The following COL5A1 variants were observed in gnomAD, a reference collection of about 807,000 sequenced individuals.
COL5A1 encodes the protein collagen type V alpha 1 chain, also known as collagen alpha-1(V) chain.
Under a neutral mutation model 263.7 loss-of-function variants are expected in COL5A1, and 16 were observed. The ratio of observed to expected loss-of-function variants is 0.06; its 90% CI spans 0.04 to 0.09. The LOEUF (loss-of-function observed/expected upper bound fraction) is 0.09, where lower values mean the gene tolerates loss of function less well. COL5A1 is among the 10% of genes least tolerant of loss of function. COL5A1 has a pLI of 1.00. For synonymous variants in COL5A1, 1,012 were observed against 1,004.5 expected (o/e 1.01, Z -0.14); for missense variants, 2,036 against 2,540.5 (o/e 0.80, Z 4.27).
chr9:134,816,937 G>A, intron 52 of COL5A1, 89 bp from the exon 53 acceptor site: 1 of 1,227,266 alleles, frequency 8.1e-7, no homozygotes, highest in South Asian at 1.2e-5. Context: ...TGGCCGAGGA[G>A]TAAATAGACT....
intron 42 of COL5A1, 59 bp downstream of exon 42, chr9:134,806,355 G>T: frequency 8.9e-6 from 11 of 1,240,208 alleles, no homozygotes; most frequent in Non-Finnish European, 1.3e-5. Context: ...GTCGTTCCGT[G>T]TCTGGCCTTG....
chr9:134,773,691 G>A (rs1414869889), intron 26 of COL5A1, among the ~76,000 whole-genome samples: 1 of 152,180 alleles, frequency 6.6e-6, no homozygotes, highest in Non-Finnish European at 1.5e-5. Flanking sequence ...TGCCAAGGGT[G>A]TGGTAGGCCA....
rs1186690761 is a variant in COL5A1 at position 134,711,123 on chromosome 9, C to A, written c.654+9790C>A. Among the ~76,000 whole-genome samples, 6 of 152,232 alleles carry A rather than the reference C, an allele frequency of 3.9e-5. No individual in the cohort carries two copies. The East Asian group carries it at 1.2e-3, about 29-fold the overall frequency. The stretch of plus-strand genomic sequence containing the variant: ...GGTCTCTGTCTTCCACAGCTGGCCT[C>A]CGCCTCTGGGCATGAATTGTTCGGT... On this transcript the variant is annotated intron_variant, in intron 4 of 65. Coordinates refer to ENST00000371817, the MANE Select transcript of COL5A1 (RefSeq NM_000093.5).
intron 28 of COL5A1, among the ~76,000 whole-genome samples, chr9:134,781,082 C>G (rs746457986): frequency 6.6e-6 from 1 of 152,242 alleles, no homozygotes; most frequent in Non-Finnish European, 1.5e-5. Context: ...TGCTACCTGT[C>G]GAAGATGTCG....
At chr9:134,643,380 C>T (rs1028254679) in intron 1 of COL5A1, among the ~76,000 whole-genome samples, 1 of 152,160 alleles carries the variant, frequency 6.6e-6, no homozygotes, top group African/African-American at 2.4e-5. Flanking sequence ...GCTCAGCGAA[C>T]GTCTGGACCA....
At chr9:134,644,593 G>GT (rs1361362492) in intron 1 of COL5A1, among the ~76,000 whole-genome samples, 3 of 151,980 alleles carry the variant, frequency 2.0e-5, no homozygotes, top group Non-Finnish European at 2.9e-5. Context: ...CAGGCGCGGG[G>GT]GGGAGCCACC....
chr9:134,712,042 C>CCCCCTTCTTCCTGCT (rs143305392), intron 4 of COL5A1, among the ~76,000 whole-genome samples: 1 of 86,282 alleles, frequency 1.2e-5, no homozygotes, highest in Non-Finnish European at 2.2e-5. Context: ...CTTCTTCCTG[C>CCCCCTTCTTCCTGCT]CCCCTTCTTC....
In COL5A1 at chr9:134,823,398, T is replaced by A. The variant is rs753119769; in HGVS notation, c.4645-18T>A. ...CATACCTCTGTGACCAAGGGTTGAT[T>A]CTTTTCTTTCTCCCCAGGGTCCAAC... On this transcript the variant is annotated intron_variant, in intron 60 of 65. Coordinates refer to ENST00000371817, the MANE Select transcript of COL5A1 (RefSeq NM_000093.5). 1.2e-6 allele frequency: 2 copies of A among 1,614,144 alleles called. No individual in the cohort carries two copies. The highest frequency in any genetic ancestry group is 1.7e-6 in the Non-Finnish European group (2 of 1,179,966).
chr9:134,739,556 G>A (rs1041240308), intron 11 of COL5A1, among the ~76,000 whole-genome samples: 7 of 152,254 alleles, frequency 4.6e-5, no homozygotes, highest in Non-Finnish European at 8.8e-5. Context: ...GGTGGATGCA[G>A]GGCAGGGTCT....
chr9:134,795,413 A>T (rs748505962), intron 34 of COL5A1, 98 bp downstream of exon 34: 121 of 193,050 alleles, frequency 6.3e-4, no homozygotes, highest in South Asian at 1.6e-3. Flanking sequence ...CTTTTTTATT[A>T]AAAAAAAAAA....
chr9:134,802,088 G>A, intron 38 of COL5A1, 81 bp downstream of exon 38: 2 of 1,398,798 alleles, frequency 1.4e-6, no homozygotes, highest in Non-Finnish European at 1.0e-6. Flanking sequence ...CCGGGCATCT[G>A]TTCCCTCCAC....
intron 1 of COL5A1, among the ~76,000 whole-genome samples, chr9:134,685,652 C>A (rs1833043588): frequency 6.7e-6 from 1 of 149,720 alleles, no homozygotes; most frequent in Admixed American, 6.7e-5. Flanking sequence ...ATCCATGCAT[C>A]CATTCATCCA....
At chr9:134,658,513 A>T (rs114516761) in intron 1 of COL5A1, among the ~76,000 whole-genome samples, 1 of 151,872 alleles carries the variant, frequency 6.6e-6, no homozygotes, top group East Asian at 1.9e-4. Flanking sequence ...GCCCCTTCAC[A>T]TGCATACGCT....
At chr9:134,719,699 C>T (rs1834387904) in intron 4 of COL5A1, among the ~76,000 whole-genome samples, 1 of 152,222 alleles carries the variant, frequency 6.6e-6, no homozygotes, top group African/African-American at 2.4e-5. Context: ...TGATCGGCCT[C>T]TGCCTTTCCA....
intron 1 of COL5A1, among the ~76,000 whole-genome samples, chr9:134,683,598 G>T (rs1328998266): frequency 6.6e-6 from 1 of 152,246 alleles, no homozygotes; most frequent in South Asian, 2.1e-4. Flanking sequence ...AGGCTGTTGT[G>T]TGTAGAAGCT....
intron 49 of COL5A1, among the ~76,000 whole-genome samples, chr9:134,814,353 G>C (rs541791131): frequency 3.3e-5 from 5 of 152,344 alleles, no homozygotes; most frequent in African/African-American, 1.2e-4. Context: ...GCCAGACTAG[G>C]AATATCCAGG....
At position 134,726,433 on chromosome 9, in the gene COL5A1, G is replaced by A. The variant is rs560231972; in HGVS notation, c.655-833G>A. 1.1e-3 allele frequency among the ~76,000 whole-genome samples: 168 copies of A among 152,218 alleles called. 1 individual carries two copies. The highest frequency in any genetic ancestry group is 2.1e-3 in the Non-Finnish European group (146 of 68,000). ...GGCTGGGTGGATGGATGGACAGGTG[G>A]ATAGGTAGATGGATGAATGGATGAG... On this transcript the variant is annotated intron_variant, in intron 4 of 65. Coordinates refer to ENST00000371817, the MANE Select transcript of COL5A1 (RefSeq NM_000093.5).
At chr9:134,690,753 C>T (rs564862194) in intron 1 of COL5A1, among the ~76,000 whole-genome samples, 159 bp from the exon 2 acceptor site, 12 of 152,298 alleles carry the variant, frequency 7.9e-5, no homozygotes, top group East Asian at 5.8e-4. Flanking sequence ...TGCCCTGCCT[C>T]GCCCAGCACG....
chr9:134,728,570 C>A, intron 5 of COL5A1, 100 bp from the exon 6 acceptor site: 1 of 1,544,674 alleles, frequency 6.5e-7, no homozygotes, highest in Non-Finnish European at 8.9e-7. Flanking sequence ...CTGGACGGGG[C>A]GTCGTGGCGT....
Sources: allele counts gnomAD v4.1 joint callset (sites outside exome capture counted in the v4.1 genomes callset), GRCh38; gene constraint gnomAD v4.1.1; transcripts MANE v1.5; gene names NCBI Gene and HGNC (gene_info 2026-07-23, HGNC 2026-07-21).